VIT: variants seen among roughly 807,000 people sequenced by gnomAD.
VIT encodes vitrin.
A neutral mutation model predicts 78.0 loss-of-function variants in VIT; 99 were observed. That is an observed-to-expected ratio of 1.27 (90% CI 1.08 to 1.50). The LOEUF (loss-of-function observed/expected upper bound fraction) is 1.50. VIT is among the 40% of genes most tolerant of loss of function. VIT has a pLI of 0.00. For synonymous variants in VIT, 374 were observed against 334.3 expected, an observed-to-expected ratio of 1.12 and a Z score of -1.29; for missense variants, 1,126 against 875.3, an observed-to-expected ratio of 1.29 and a Z score of -3.61.
At chr2:36,757,462 A>AG (rs1668837501) in intron 5 of VIT, among the ~76,000 whole-genome samples, 1 of 35,372 alleles carries the variant, frequency 2.8e-5, no homozygotes, top group Non-Finnish European at 7.4e-5. Context: ...GAATAGAAAC[A>AG]GAAAAAAAAA....
At chr2:36,755,427 A>G (rs1668704607) in intron 5 of VIT, among the ~76,000 whole-genome samples, 1 of 152,188 alleles carries the variant, frequency 6.6e-6, no homozygotes, top group Non-Finnish European at 1.5e-5. Flanking sequence ...AAGTGGATAG[A>G]TAGGTATTGT....
rs757258492 is a variant in VIT, at chr2:36,767,221, T to C, written c.615T>C (p.Pro205=). 8 of 1,605,350 alleles carry C rather than the reference T, an allele frequency of 5.0e-6. No homozygotes were observed. Among genetic ancestry groups the C allele is most frequent in the Non-Finnish European group, 6.8e-6 (8 of 1,176,310 alleles). The change falls in exon 7 of 16, where the codon CCT becomes CCC. Residue 205 remains proline, a synonymous_variant. Coordinates refer to ENST00000379242, the MANE Select transcript of VIT (RefSeq NM_053276.4). ...ATPTTLPRPS[P]SAASTTSIPR... ...CCACCACCTTGCCAAGGCCATCCCC[T>C]TCTGCTGCTTCTACCACCAGCATCC...
At chr2:36,808,328 C>A (rs1019263773) in intron 14 of VIT, 144 bp from the exon 15 acceptor site, 1 of 1,208,264 alleles carries the variant, frequency 8.3e-7, no homozygotes, top group East Asian at 2.6e-5. Context: ...CTGGGTGAAC[C>A]GAGATGGAAG....
In VIT at chr2:36,800,176, C is replaced by T. The variant is rs536643083; in HGVS notation, c.1059-1125C>T. 4.6e-5 allele frequency among the ~76,000 whole-genome samples: 7 copies of T among 152,192 alleles called. No homozygotes were observed. The South Asian group carries it at 1.5e-3, about 32-fold the overall frequency. On this transcript the variant is annotated intron_variant, in intron 12 of 15. Coordinates refer to ENST00000379242, the MANE Select transcript of VIT (RefSeq NM_053276.4). ...CCTGGCTAAGATGGTGAAACCCTGT[C>T]TCTACTAAAAATACAAAAATTAGCC...
intron 1 of VIT, among the ~76,000 whole-genome samples, chr2:36,707,744 G>A (rs10182004): frequency 0.48 from 72,656 of 151,738 alleles, 17,760 homozygotes; most frequent in Middle Eastern, 0.55. Context: ...AGCCTGACTC[G>A]GAGTACATCT....
At chr2:36,811,734 A>G (rs1414687141) in intron 15 of VIT, among the ~76,000 whole-genome samples, 1 of 148,348 alleles carries the variant, frequency 6.7e-6, no homozygotes, top group East Asian at 2.0e-4. Context: ...GTGCAATGGC[A>G]CAACCTTGGC....
intron 11 of VIT, among the ~76,000 whole-genome samples, chr2:36,783,685 G>A (rs1394862781): frequency 6.6e-6 from 1 of 152,182 alleles, no homozygotes; most frequent in Non-Finnish European, 1.5e-5. Context: ...GGAGGAGACG[G>A]GCAGGTTAGC....
chr2:36,777,038 G>A lies in VIT; in HGVS notation c.802+1971G>A, dbSNP rs563676803. On this transcript the variant is annotated intron_variant, in intron 9 of 15. Transcript: ENST00000379242. ...CAGGAGGCGGAGCTTGCAGTGAGCC[G>A]AGATCACGCCACTGCACTCCAGCCT... is the stretch of plus-strand genomic sequence containing the variant. Among the ~76,000 whole-genome samples, 16 of 145,604 alleles carry A rather than the reference G, an allele frequency of 1.1e-4. No homozygotes were observed. The South Asian group carries it at 1.1e-3, about 10-fold the overall frequency.
At chr2:36,774,490 A>C (rs966225485) in intron 8 of VIT, 17 of 985,058 alleles carry the variant, frequency 1.7e-5, no homozygotes, top group Non-Finnish European at 2.0e-5. Flanking sequence ...GAAGTATACC[A>C]TTCCCTCTGA....
intron 1 of VIT, among the ~76,000 whole-genome samples, chr2:36,697,659 G>T (rs1664763290): frequency 6.6e-6 from 1 of 152,194 alleles, no homozygotes; most frequent in South Asian, 2.1e-4. Flanking sequence ...TGTCCAACTA[G>T]TATAAACATG....
At chr2:36,784,070 GT>G (rs1314950287) in intron 11 of VIT, among the ~76,000 whole-genome samples, 4 of 152,176 alleles carry the variant, frequency 2.6e-5, no homozygotes, top group African/African-American at 9.7e-5. Context: ...ACACAGTAAA[GT>G]AAGAAGATAC....
chr2:36,707,681 AG>A (rs1376459894), intron 1 of VIT, among the ~76,000 whole-genome samples: 2 of 152,180 alleles, frequency 1.3e-5, no homozygotes, highest in Non-Finnish European at 2.9e-5. Flanking sequence ...GGAAGGAGGA[AG>A]GGGAAAACGA....
intron 1 of VIT, among the ~76,000 whole-genome samples, chr2:36,702,386 G>C (rs1261907155): frequency 6.7e-6 from 1 of 149,032 alleles, no homozygotes; most frequent in Non-Finnish European, 1.5e-5. Flanking sequence ...GATGAAATCT[G>C]TCAGGCCAAG....
chr2:36,806,615 C>G (rs977646505), intron 14 of VIT, among the ~76,000 whole-genome samples: 2 of 152,188 alleles, frequency 1.3e-5, no homozygotes, highest in African/African-American at 4.8e-5. Context: ...GGCGCGATCT[C>G]GGCTCACTGC....
At chr2:36,776,816 C>T (rs533655440) in intron 9 of VIT, among the ~76,000 whole-genome samples, 18 of 149,894 alleles carry the variant, frequency 1.2e-4, no homozygotes, top group Middle Eastern at 3.6e-3. Flanking sequence ...AATGGCCTGG[C>T]GCGGTGGCTC....
intron 4 of VIT, 113 bp downstream of exon 4, chr2:36,743,369 C>G (rs1420417286): frequency 8.8e-7 from 1 of 1,141,900 alleles, no homozygotes; most frequent in African/African-American, 1.5e-5. Flanking sequence ...TTTTTTAGCT[C>G]AAAATCTTTA....
chr2:36,727,869 A>G (rs1281811523), intron 2 of VIT, among the ~76,000 whole-genome samples: 2 of 152,238 alleles, frequency 1.3e-5, no homozygotes, highest in Admixed American at 1.3e-4. Context: ...ACCATCATGT[A>G]CAGTACATAA....
chr2:36,711,242 C>T (rs773032101), intron 1 of VIT, among the ~76,000 whole-genome samples: 3 of 152,196 alleles, frequency 2.0e-5, no homozygotes, highest in Non-Finnish European at 2.9e-5. Context: ...GCTTAAATTA[C>T]TTTTCTCTTT....
At chr2:36,806,587 C>T (rs1177333207) in intron 14 of VIT, among the ~76,000 whole-genome samples, 1 of 152,184 alleles carries the variant, frequency 6.6e-6, no homozygotes, top group Non-Finnish European at 1.5e-5. Context: ...CACTCTGTCG[C>T]CCAGGCTGGA....
Sources: allele counts gnomAD v4.1 joint callset (sites outside exome capture counted in the v4.1 genomes callset), GRCh38; gene constraint gnomAD v4.1.1; transcripts MANE v1.5; gene names NCBI Gene and HGNC (gene_info 2026-07-23, HGNC 2026-07-21).